Variants in ZNF804A observed in about 807,000 individuals in gnomAD.
ZNF804A encodes zinc finger protein 804A.
A neutral mutation model predicts 16.5 loss-of-function variants in ZNF804A; 2 were observed. That is an observed-to-expected ratio of 0.12 (90% CI 0.05 to 0.38). ZNF804A has a LOEUF of 0.38. Among genes scored for constraint, ZNF804A ranks in the 10% least tolerant of loss-of-function variants. The probability of loss-of-function intolerance (pLI) is 0.99; values close to 1 mark genes in which losing one functional copy is unlikely to be tolerated. For synonymous variants in ZNF804A, 534 were observed against 489.6 expected (o/e 1.09, Z -1.20); for missense variants, 1,473 against 1,390.7 (o/e 1.06, Z -0.94).
chr2:184,676,584 C>T (rs1464666172), intron 1 of ZNF804A, among the ~76,000 whole-genome samples: 7 of 151,500 alleles, frequency 4.6e-5, no homozygotes, highest in Admixed American at 4.6e-4. Flanking sequence ...ACTACAATAT[C>T]ATATACAATA....
At chr2:184,828,203 A>G (rs569055515) in intron 1 of ZNF804A, among the ~76,000 whole-genome samples, 1 of 151,944 alleles carries the variant, frequency 6.6e-6, no homozygotes, top group East Asian at 1.9e-4. Flanking sequence ...TTCAAAAAGG[A>G]AACTTACAGA....
At chr2:184,716,335 A>G (rs1200841267) in intron 1 of ZNF804A, among the ~76,000 whole-genome samples, 2 of 152,034 alleles carry the variant, frequency 1.3e-5, no homozygotes, top group Non-Finnish European at 2.9e-5. Context: ...TGTTTTATCT[A>G]ATATTTTGAT....
intron 1 of ZNF804A, among the ~76,000 whole-genome samples, chr2:184,683,455 C>A (rs1692574369): frequency 6.6e-6 from 1 of 152,100 alleles, no homozygotes; most frequent in Admixed American, 6.6e-5. Context: ...ATGATAAGCC[C>A]AAATGCAAGT....
intron 2 of ZNF804A, among the ~76,000 whole-genome samples, chr2:184,905,112 T>C (rs967274038): frequency 1.3e-5 from 2 of 152,030 alleles, no homozygotes; most frequent in African/African-American, 4.8e-5. Flanking sequence ...TGTGTGTGTG[T>C]GTCATTATGA....
intron 2 of ZNF804A, among the ~76,000 whole-genome samples, chr2:184,899,912 A>T (rs1319422452): frequency 6.6e-6 from 1 of 152,024 alleles, no homozygotes; most frequent in East Asian, 1.9e-4. Context: ...AGAAAATGAG[A>T]TACATTTTTA....
At chr2:184,694,874 G>A (rs1692802260) in intron 1 of ZNF804A, among the ~76,000 whole-genome samples, 1 of 152,144 alleles carries the variant, frequency 6.6e-6, no homozygotes, top group South Asian at 2.1e-4. Flanking sequence ...CTTGTCAGTC[G>A]GAATCTGACA....
intron 2 of ZNF804A, among the ~76,000 whole-genome samples, chr2:184,916,623 G>A (rs1685454168): frequency 6.6e-6 from 1 of 152,194 alleles, no homozygotes; most frequent in African/African-American, 2.4e-5. Context: ...GCCAAGGCGG[G>A]TGGATCATGA....
At chr2:184,745,463 T>A (rs370182778) in intron 1 of ZNF804A, among the ~76,000 whole-genome samples, 3 of 151,804 alleles carry the variant, frequency 2.0e-5, no homozygotes, top group East Asian at 3.9e-4. Flanking sequence ...AGTATTCCTA[T>A]TTAAATCAAC....
At chr2:184,607,006 T>C (rs568016866) in intron 1 of ZNF804A, among the ~76,000 whole-genome samples, 4 of 152,350 alleles carry the variant, frequency 2.6e-5, no homozygotes, top group East Asian at 3.9e-4. Context: ...AATAGATGCA[T>C]TGATGTTGAT....
intron 1 of ZNF804A, among the ~76,000 whole-genome samples, chr2:184,779,314 TTTC>T (rs376039753): frequency 9.3e-4 from 142 of 151,890 alleles, no homozygotes; most frequent in African/African-American, 3.3e-3. Flanking sequence ...TATGTTTTGT[TTTC>T]TTTTTTCCTA....
intron 1 of ZNF804A, among the ~76,000 whole-genome samples, chr2:184,730,223 T>C (rs1693490567): frequency 6.6e-6 from 1 of 152,166 alleles, no homozygotes; most frequent in African/African-American, 2.4e-5. Flanking sequence ...TAACAGTATT[T>C]TTTTTAGAAT....
intron 1 of ZNF804A, among the ~76,000 whole-genome samples, chr2:184,606,266 C>T (rs1691142996): frequency 6.6e-6 from 1 of 152,054 alleles, no homozygotes; most frequent in African/African-American, 2.4e-5. Context: ...CTGGGGAGGC[C>T]TCAGAAAACT....
intron 2 of ZNF804A, among the ~76,000 whole-genome samples, chr2:184,904,509 A>G (rs2105828848): frequency 6.6e-6 from 1 of 152,232 alleles, no homozygotes; most frequent in South Asian, 2.1e-4. Context: ...CACAGGCACA[A>G]TTACCACATT....
intron 1 of ZNF804A, among the ~76,000 whole-genome samples, chr2:184,854,899 G>A (rs183767789): frequency 2.2e-4 from 34 of 152,046 alleles, no homozygotes; most frequent in African/African-American, 7.9e-4. Context: ...ATAGAAATGT[G>A]AATATTCAAC....
At chr2:184,882,238 T>A (rs1263899599) in intron 2 of ZNF804A, among the ~76,000 whole-genome samples, 1 of 151,746 alleles carries the variant, frequency 6.6e-6, no homozygotes, top group African/African-American at 2.4e-5. Flanking sequence ...AACAAGATGA[T>A]TACAAGAAGA....
chr2:184,734,142 G>T (rs1045439898), intron 1 of ZNF804A, among the ~76,000 whole-genome samples: 1 of 151,796 alleles, frequency 6.6e-6, no homozygotes, highest in African/African-American at 2.4e-5. Flanking sequence ...TGGTCTGGTT[G>T]GTCATAGCTC....
intron 1 of ZNF804A, among the ~76,000 whole-genome samples, chr2:184,719,534 C>T (rs1574178742): frequency 1.3e-5 from 2 of 152,236 alleles, no homozygotes; most frequent in Middle Eastern, 3.4e-3. Flanking sequence ...ATGCCTTTAA[C>T]AACAAGCAAG....
intron 1 of ZNF804A, among the ~76,000 whole-genome samples, chr2:184,744,687 C>T (rs1693760997): frequency 6.6e-6 from 1 of 151,802 alleles, no homozygotes; most frequent in South Asian, 2.1e-4. Context: ...ATAATGTTTC[C>T]AAAAACAATA....
intron 1 of ZNF804A, among the ~76,000 whole-genome samples, chr2:184,801,993 G>A (rs773848492): frequency 1.3e-4 from 20 of 151,120 alleles, no homozygotes; most frequent in Middle Eastern, 3.3e-3. Flanking sequence ...GGCTTCAAAT[G>A]TCTAGCACCC....
Sources: allele counts gnomAD v4.1 joint callset (sites outside exome capture counted in the v4.1 genomes callset), GRCh38; gene constraint gnomAD v4.1.1; transcripts MANE v1.5; gene names NCBI Gene and HGNC (gene_info 2026-07-23, HGNC 2026-07-21).